AP2B1: variants seen among roughly 807,000 people sequenced by gnomAD.
AP2B1 encodes the protein adaptor related protein complex 2 subunit beta 1, also known as AP-2 complex subunit beta.
A neutral mutation model predicts 102.0 loss-of-function variants in AP2B1; 23 were observed. The ratio of observed to expected loss-of-function variants is 0.23; its 90% CI spans 0.16 to 0.32. The LOEUF (loss-of-function observed/expected upper bound fraction) is 0.32, where lower values mean the gene tolerates loss of function less well. Ranked by LOEUF, AP2B1 falls within the 10% of genes least tolerant of loss-of-function variation. The pLI, the probability that AP2B1 is intolerant of heterozygous loss-of-function variation, is 1.00. For synonymous variants in AP2B1, 381 were observed against 421.2 expected (o/e 0.90, Z 1.17); for missense variants, 541 against 1,157.4 (o/e 0.47, Z 7.73).
Position 35,667,860 on chromosome 17 carries a change from A to G in AP2B1, c.1990-2997A>G, listed in dbSNP as rs111620789. Among the ~76,000 whole-genome samples, 1,181 of 151,818 alleles carry G rather than the reference A, an allele frequency of 7.8e-3. 8 individuals are homozygous for G. The highest frequency in any genetic ancestry group is 0.012 in the Non-Finnish European group (793 of 67,958). On this transcript the variant is annotated intron_variant, in intron 14 of 21. Transcript: ENST00000610402. Reference sequence around the variant, plus strand: ...GGGTAAGCCCATCAGAAAGTCGAAAACCACCTCAGAGTATCAGGACAAATG... The same window carrying G: ...GGGTAAGCCCATCAGAAAGTCGAAAGCCACCTCAGAGTATCAGGACAAATG...
At chr17:35,605,414 A>G (rs1706765550) in intron 3 of AP2B1, among the ~76,000 whole-genome samples, 1 of 151,756 alleles carries the variant, frequency 6.6e-6, no homozygotes, top group South Asian at 2.1e-4. Context: ...ATGCCTGGCT[A>G]ATTTTTTGTA....
rs553143078 is a variant in AP2B1 at position 35,656,863 on chromosome 17, C to T, written c.1797-736C>T. Among the ~76,000 whole-genome samples the T allele has an allele frequency of 1.3e-4, 19 of 140,950 alleles. No individual in the cohort carries two copies. In the South Asian group the frequency reaches 3.6e-3, roughly 27 times the overall value. 92.5% of individuals were successfully genotyped at this position (140,950 alleles called of 152,430 possible). A position where few individuals can be genotyped will look rare whatever the true frequency, so the allele number is the denominator to read the frequency against. The stretch of plus-strand genomic sequence containing the variant: ...TGGCGCCACTGCACTCCAGCCTGGG[C>T]GACAGAGCGAGACTCCGTCTCAAAA... On this transcript the variant is annotated intron_variant, in intron 13 of 21. Transcript: ENST00000610402.
chr17:35,642,007 T>C (rs1598147509), intron 12 of AP2B1, 32 bp downstream of exon 12: 1 of 1,513,864 alleles, frequency 6.6e-7, no homozygotes, highest in South Asian at 1.1e-5. Context: ...AGATGTTGAT[T>C]TGTCTTGTTT....
chr17:35,703,558 C>T (rs987460465), intron 18 of AP2B1, among the ~76,000 whole-genome samples: 1 of 152,126 alleles, frequency 6.6e-6, no homozygotes, highest in African/African-American at 2.4e-5. Context: ...AGGCTATTAT[C>T]CTTAGCAAAC....
intron 18 of AP2B1, among the ~76,000 whole-genome samples, chr17:35,684,841 G>C (rs1350941266): frequency 1.3e-5 from 2 of 152,104 alleles, no homozygotes; most frequent in African/African-American, 2.4e-5. Flanking sequence ...GTAGGAAAGA[G>C]AATTTGGGTC....
chr17:35,694,393 G>A (rs587649322), intron 18 of AP2B1, among the ~76,000 whole-genome samples: 49 of 143,316 alleles, frequency 3.4e-4, no homozygotes, highest in South Asian at 1.1e-3. Flanking sequence ...ACAGGTACAT[G>A]CCATCACACC....
chr17:35,709,167 T>C (rs1944654182), intron 18 of AP2B1, 57 bp from the exon 19 acceptor site: 1 of 1,472,402 alleles, frequency 6.8e-7, no homozygotes, highest in Non-Finnish European at 9.5e-7. Context: ...CGCTGTTCTT[T>C]TCCTCCTACC....
At chr17:35,698,079 GT>G (rs2076174524) in intron 18 of AP2B1, among the ~76,000 whole-genome samples, 1 of 152,150 alleles carries the variant, frequency 6.6e-6, no homozygotes, top group Non-Finnish European at 1.5e-5. Context: ...GGAAAAAAAA[GT>G]TTTTAAAAAA....
intron 18 of AP2B1, among the ~76,000 whole-genome samples, chr17:35,705,931 A>G (rs1378584884): frequency 6.6e-6 from 1 of 152,182 alleles, no homozygotes; most frequent in Non-Finnish European, 1.5e-5. Context: ...CATTATCCTC[A>G]TAACAACCCC....
rs527743933 is a variant in AP2B1 at position 35,597,860 on chromosome 17, C to T, written c.38-370C>T. On this transcript the variant is annotated intron_variant, in intron 2 of 21. Transcript: ENST00000610402. ...GGGTAAATGAGGTAATACGCGCCTGCTCCCTACCTACGTTTATGTTCTCCT... is the reference window on the plus strand; with the variant it reads ...GGGTAAATGAGGTAATACGCGCCTGTTCCCTACCTACGTTTATGTTCTCCT... 3.9e-5 allele frequency among the ~76,000 whole-genome samples: 6 copies of T among 152,302 alleles called. No homozygotes were observed. The South Asian group carries it at 6.2e-4, about 16-fold the overall frequency.
rs147901473 is a variant in AP2B1 at position 35,631,107 on chromosome 17, A to G, written c.1155+3381A>G. ...ACTGAAAAAGCAATCCTATGGTGCT[A>G]TTTTTTTGTTCAATAACTTTTGCCT... On this transcript the variant is annotated intron_variant, in intron 9 of 21. Transcript: ENST00000610402. 1.2e-3 allele frequency among the ~76,000 whole-genome samples: 181 copies of G among 152,216 alleles called. 2 individuals carry two copies. The highest frequency in any genetic ancestry group is 2.8e-4 in the Non-Finnish European group (19 of 68,002).
intron 9 of AP2B1, 62 bp downstream of exon 9, chr17:35,627,788 T>G: frequency 7.4e-7 from 1 of 1,359,324 alleles, no homozygotes; most frequent in Non-Finnish European, 1.0e-6. Context: ...CTTCACTTTT[T>G]TCTTTAAAAT....
chr17:35,678,238 G>A (rs562135643), intron 17 of AP2B1, among the ~76,000 whole-genome samples: 206 of 152,188 alleles, frequency 1.4e-3, no homozygotes, highest in Non-Finnish European at 2.1e-3. Flanking sequence ...TATTGAACTT[G>A]TTTCCTTCAA....
At chr17:35,617,896 A>G (rs906692506) in intron 5 of AP2B1, among the ~76,000 whole-genome samples, 2 of 152,110 alleles carry the variant, frequency 1.3e-5, no homozygotes, top group East Asian at 3.8e-4. Flanking sequence ...ATCGATATTT[A>G]TTTGTAGTGT....
intron 21 of AP2B1, among the ~76,000 whole-genome samples, chr17:35,718,495 CTG>C (rs2085251955): frequency 6.6e-6 from 1 of 152,122 alleles, no homozygotes; most frequent in African/African-American, 2.4e-5. Flanking sequence ...GTAACATACA[CTG>C]TCATTTATCT....
At position 35,666,553 on chromosome 17, in the gene AP2B1, C is replaced by T. The variant is rs534285434; in HGVS notation, c.1990-4304C>T. 2.0e-4 allele frequency among the ~76,000 whole-genome samples: 30 copies of T among 152,124 alleles called. No individual in the cohort carries two copies. In the South Asian group the frequency reaches 6.0e-3, roughly 31 times the overall value. On this transcript the variant is annotated intron_variant, in intron 14 of 21. Coordinates refer to ENST00000610402, the MANE Select transcript of AP2B1 (RefSeq NM_001030006.2). ...TCTTTCTGTATCTGATTTAGTTGAC[C>T]TATAATTGACATCATTTTCTTCATG... is the stretch of plus-strand genomic sequence containing the variant.
chr17:35,601,858 A>G (rs1471445597), intron 3 of AP2B1, among the ~76,000 whole-genome samples: 1 of 150,136 alleles, frequency 6.7e-6, no homozygotes, highest in African/African-American at 2.5e-5. Context: ...GCTCACTGCA[A>G]CCCCCGACTC....
At chr17:35,637,400 G>A (rs570420810) in intron 10 of AP2B1, among the ~76,000 whole-genome samples, 19 of 152,084 alleles carry the variant, frequency 1.2e-4, no homozygotes, top group Middle Eastern at 3.4e-3. Context: ...GGCCAGTCTC[G>A]AACTCCTGAC....
chr17:35,596,805 C>T (rs1454399823), intron 2 of AP2B1: 2 of 632,298 alleles, frequency 3.2e-6, no homozygotes, highest in Non-Finnish European at 5.9e-6. Context: ...CATGGGCCCC[C>T]GCAGCGCTGC....
Sources: gnomAD v4.1 joint callset for allele counts (sites outside exome capture counted in the v4.1 genomes callset) on GRCh38, gnomAD v4.1.1 for gene constraint, MANE v1.5 for transcripts, NCBI Gene and HGNC (gene_info 2026-07-23, HGNC 2026-07-21) for gene names.